The following RABL6 variants were observed in gnomAD, a reference collection of about 807,000 sequenced individuals.
RABL6 encodes the protein RAB, member RAS oncogene family like 6.
In RABL6, 28 loss-of-function variants were observed where a neutral mutation model predicts 72.9. The observed-to-expected ratio is 0.38, with a 90% CI of 0.28 to 0.53. RABL6 has a LOEUF of 0.53. Among genes scored for constraint, RABL6 ranks in the 20% least tolerant of loss-of-function variants. RABL6 has a pLI of 0.80. For missense variants in RABL6, 1,029 were observed against 1,008.4 expected (o/e 1.02, Z -0.28); for synonymous variants, 477 against 421.2 (o/e 1.13, Z -1.62).
intron 1 of RABL6, chr9:136,813,173 G>T: frequency 2.1e-6 from 1 of 475,186 alleles, no homozygotes. Flanking sequence ...CTGGCTCCTG[G>T]CATCAGGTGG....
intron 1 of RABL6, chr9:136,814,928 T>G (rs1264088098): frequency 6.1e-6 from 1 of 164,578 alleles, no homozygotes; most frequent in Admixed American, 6.5e-5. Context: ...ACCCTCGTCC[T>G]TGTCCTCATC....
Position 136,826,076 on chromosome 9 carries a change from G to A in RABL6, c.313+250G>A, listed in dbSNP as rs1229885217. On this transcript the variant is annotated intron_variant, in intron 3 of 14. Transcript: ENST00000311502. This position sits in a 1 kb window ranked among gnomAD's most constrained non-coding sequence, Gnocchi z 4.9. ...CTGAGTGACCGCGTGCACGGTGGCG[G>A]CAGGTGCAGCCGGGGGGTGTGCTTT... is the stretch of plus-strand genomic sequence containing the variant. Among the ~76,000 whole-genome samples the A allele has an allele frequency of 6.6e-6, 1 of 152,204 alleles. No homozygotes were observed. The highest frequency in any genetic ancestry group is 1.5e-5 in the Non-Finnish European group (1 of 68,032).
rs1037553014 is a variant in RABL6, at chr9:136,835,923, A to G, written c.809+78A>G. Reference sequence around the variant, plus strand: ...GTGGTGCAGGGCCATGGGCTGCACCAAGGAGACAGCAGAGGGGAGTGTCCC... The same window carrying G: ...GTGGTGCAGGGCCATGGGCTGCACCGAGGAGACAGCAGAGGGGAGTGTCCC... On this transcript the variant is annotated intron_variant, in intron 8 of 14. Transcript: ENST00000311502. 17 of 1,353,102 alleles carry G rather than the reference A, an allele frequency of 1.3e-5. No homozygotes were observed. In the Admixed American group the frequency reaches 3.6e-4, roughly 28 times the overall value. The allele number at this position is 1,353,102 out of a possible 1,614,324, so 83.8% of individuals were successfully genotyped here. A position where few individuals can be genotyped will look rare whatever the true frequency, so the allele number is the denominator to read the frequency against.
intron 1 of RABL6, among the ~76,000 whole-genome samples, chr9:136,811,891 T>C (rs1001842445): frequency 2.6e-5 from 4 of 152,238 alleles, no homozygotes; most frequent in Admixed American, 6.5e-5. Flanking sequence ...GAGGCCTGTC[T>C]GACTCCCCTC....
intron 7 of RABL6, chr9:136,832,710 C>A: frequency 2.7e-6 from 1 of 370,434 alleles, no homozygotes; most frequent in Admixed American, 3.9e-5. Flanking sequence ...TGGCTCACTG[C>A]GGCCTCAAAC....
At position 136,839,726 on chromosome 9, in the gene RABL6, T is replaced by C. The variant is rs776119893; in HGVS notation, c.1791T>C (p.Asp597=). The C allele has an allele frequency of 4.0e-5, 64 of 1,606,208 alleles. No individual in the cohort carries two copies. The highest frequency in any genetic ancestry group is 5.2e-5 in the Non-Finnish European group (61 of 1,175,652). Residue 597 remains aspartate, a synonymous_variant, in exon 13 of 15, where the codon GAT becomes GAC. Transcript: ENST00000311502. ...TTCCCGTGCGAGATGACCCCTCCGA[T>C]GTGACTGACGAGGATGAGGGCCCTG... ...DDFPVRDDPS[D]VTDEDEGPAE...
chr9:136,822,022 A>C, intron 1 of RABL6: 3 of 1,289,654 alleles, frequency 2.3e-6, no homozygotes, highest in Non-Finnish European at 3.0e-6. Flanking sequence ...GGAAATGAAC[A>C]AGCTTCAGGG....
chr9:136,835,708 G>C (rs113560060), intron 7 of RABL6, 34 bp from the exon 8 acceptor site: 38 of 1,524,482 alleles, frequency 2.5e-5, no homozygotes, highest in Non-Finnish European at 3.4e-5. Context: ...GCAGGAAGGA[G>C]CCCTGCTCAG....
chr9:136,824,236 A>G (rs1490645323), intron 2 of RABL6, among the ~76,000 whole-genome samples: 1 of 151,336 alleles, frequency 6.6e-6, no homozygotes, highest in Non-Finnish European at 1.5e-5. Flanking sequence ...GAGGCAGAGC[A>G]GCTGCCCTGT....
chr9:136,812,816 TG>T, intron 1 of RABL6: 1 of 364,534 alleles, frequency 2.7e-6, no homozygotes, highest in Non-Finnish European at 5.4e-6. Context: ...TTGTGGCTTG[TG>T]GTCACCTCTG....
rs1848646142 is a variant in RABL6, at chr9:136,839,400, G to GAGGGACCCATTGCTGCAC, written c.1674_1691dup (p.Gly559_Gln564dup). The GAGGGACCCATTGCTGCAC allele has an allele frequency of 3.1e-6, 5 of 1,612,366 alleles. No individual in the cohort carries two copies. The South Asian group carries it at 5.5e-5, about 18-fold the overall frequency. ...GGCCTCCTCGTCGGAGAGTGACCCC[G>GAGGGACCCATTGCTGCAC]AGGGACCCATTGCTGCACAAATGCT... On this transcript the variant is annotated inframe_insertion, in exon 12 of 15. Transcript: ENST00000311502.
Position 136,840,373 on chromosome 9 carries a change from A to G in RABL6, c.2041A>G (p.Lys681Glu), listed in dbSNP as rs1465145632. ...KKSKHKKSKD[K>E]EEGKEERRRR... is the part of the protein sequence containing the mutation. ...GAGCAAACACAAGAAGAGCAAGGAC[A>G]AGGAGGAGGGCAAGGAGGAGCGGCG... Residue 681 changes from lysine to glutamate, a missense_variant, in exon 15 of 15, where the codon AAG (lysine) becomes GAG (glutamate). Physicochemically the swap from Lys to Glu is moderately conservative, Grantham distance 56. Coordinates refer to ENST00000311502, the MANE Select transcript of RABL6 (RefSeq NM_024718.5). 3 of 1,555,766 alleles carry G rather than the reference A, an allele frequency of 1.9e-6. No homozygotes were observed. Among genetic ancestry groups the G allele is most frequent in the South Asian group, 1.2e-5 (1 of 84,954 alleles).
chr9:136,830,835 G>A (rs1420381778), intron 5 of RABL6: 1 of 152,646 alleles, frequency 6.6e-6, no homozygotes, highest in African/African-American at 2.4e-5. Flanking sequence ...GCCTGGGCAG[G>A]CGATGCCTAT....
At position 136,840,998 on chromosome 9, in the gene RABL6, C is replaced by G; in HGVS notation, c.*476C>G. On this transcript the variant is annotated 3_prime_UTR_variant, in exon 15 of 15. Transcript: ENST00000311502. ...GGGTGTGCAGACTCACCCTAAAGGGCGGCCCAGGCCCCACGCTAGAAGGCT... is the reference window on the plus strand; with the variant it reads ...GGGTGTGCAGACTCACCCTAAAGGGGGGCCCAGGCCCCACGCTAGAAGGCT... 6.9e-7 allele frequency: 1 copy of G among 1,440,536 alleles called. No individual in the cohort carries two copies. The highest frequency in any genetic ancestry group is 2.6e-4 in the Middle Eastern group (1 of 3,872). The allele number at this position is 1,440,536 out of a possible 1,614,324, so 89.2% of individuals were successfully genotyped here.
intron 1 of RABL6, among the ~76,000 whole-genome samples, chr9:136,822,353 G>T (rs1230904697): frequency 1.3e-5 from 2 of 152,126 alleles, no homozygotes; most frequent in African/African-American, 4.8e-5. Context: ...GGCTTCCCTG[G>T]CTCTCCCCTC....
chr9:136,822,799 G>C (rs571097209), intron 1 of RABL6, among the ~76,000 whole-genome samples: 250 of 152,316 alleles, frequency 1.6e-3, no homozygotes, highest in Non-Finnish European at 2.2e-3. Context: ...ATTGTGCACT[G>C]AAGACGCCAG....
intron 4 of RABL6, among the ~76,000 whole-genome samples, chr9:136,829,051 A>G (rs560352700): frequency 2.0e-4 from 30 of 152,256 alleles, no homozygotes; most frequent in African/African-American, 5.8e-4. Context: ...AACCTTCCGG[A>G]ACGCACATCT....
In RABL6 at chr9:136,826,010, G is replaced by A. The variant is rs935803781; in HGVS notation, c.313+184G>A. Reference sequence around the variant, plus strand: ...CCCGCAGCGTGGCGCAGCCCCTCCTGTGGCACTGCATGCTTTGCTGCTTTA... The same window carrying A: ...CCCGCAGCGTGGCGCAGCCCCTCCTATGGCACTGCATGCTTTGCTGCTTTA... On this transcript the variant is annotated intron_variant, in intron 3 of 14. Transcript: ENST00000311502. This position sits in a 1 kb window ranked among gnomAD's most constrained non-coding sequence, Gnocchi z 4.9. Among the ~76,000 whole-genome samples, 5 of 152,198 alleles carry A rather than the reference G, an allele frequency of 3.3e-5. No homozygotes were observed. The highest frequency in any genetic ancestry group is 3.3e-4 in the Admixed American group (5 of 15,288).
At chr9:136,822,372 G>A (rs866892666) in intron 1 of RABL6, among the ~76,000 whole-genome samples, 1 of 152,102 alleles carries the variant, frequency 6.6e-6, no homozygotes. Context: ...TCCTGGAAAC[G>A]TGGAGGACGG....
Sources: gnomAD v4.1 joint callset for allele counts (sites outside exome capture counted in the v4.1 genomes callset) on GRCh38, gnomAD v4.1.1 for gene constraint, Gnocchi (gnomAD v3.1) non-coding constraint, MANE v1.5 for transcripts, NCBI Gene and HGNC (gene_info 2026-07-23, HGNC 2026-07-21) for gene names.